The following CRB1 variants were observed in gnomAD, a reference collection of about 807,000 sequenced individuals.
CRB1 encodes the protein protein crumbs homolog 1.
In CRB1, 83 loss-of-function variants were observed where a neutral mutation model predicts 120.0. The ratio of observed to expected loss-of-function variants is 0.69; its 90% CI spans 0.58 to 0.83. The LOEUF is 0.83. CRB1 is among the 40% of genes least tolerant of loss of function. The pLI, the probability that CRB1 is intolerant of heterozygous loss-of-function variation, is 0.00. For synonymous variants in CRB1, 625 were observed against 612.5 expected (o/e 1.02, Z -0.30); for missense variants, 1,699 against 1,687.6 (o/e 1.01, Z -0.12).
At chr1:197,299,639 G>A (rs986699554) in intron 1 of CRB1, among the ~76,000 whole-genome samples, 7 of 152,094 alleles carry the variant, frequency 4.6e-5, no homozygotes, top group African/African-American at 1.7e-4. Context: ...AAAAAAAACT[G>A]TAGTATATTT....
the CRB1 span, chr1:197,222,652 C>G: frequency 2.1e-5 from 16 of 778,744 alleles, no homozygotes; most frequent in Admixed American, 2.7e-4. Context: ...GAAGACCTTT[C>G]AGTCACCTTA....
At position 197,435,861 on chromosome 1, in the gene CRB1, A is replaced by G. The variant is rs566371947; in HGVS notation, c.3749+249A>G. Among the ~76,000 whole-genome samples the G allele has an allele frequency of 7.9e-5, 12 of 152,266 alleles. No individual in the cohort carries two copies. The South Asian group carries it at 1.0e-3, about 13-fold the overall frequency. On this transcript the variant is annotated intron_variant, in intron 9 of 11. Transcript: ENST00000367400. The stretch of plus-strand genomic sequence containing the variant: ...TATTTTCTCAGTCATCTGTGTGAAA[A>G]TATGTCTCATGAACTGTAGCCCCAG...
the CRB1 span, among the ~76,000 whole-genome samples, chr1:197,218,611 G>T: frequency 6.6e-6 from 1 of 152,182 alleles, no homozygotes; most frequent in Non-Finnish European, 1.5e-5. Flanking sequence ...AAGAGAAAAG[G>T]ATGTTGTGTG....
At chr1:197,250,678 T>G in the CRB1 span, among the ~76,000 whole-genome samples, 2 of 152,120 alleles carry the variant, frequency 1.3e-5, no homozygotes, top group Non-Finnish European at 2.9e-5. Flanking sequence ...TTTGTTGGTA[T>G]TATAGTACCT....
At chr1:197,252,614 G>GTGTGTGAT in the CRB1 span, among the ~76,000 whole-genome samples, 1 of 97,366 alleles carries the variant, frequency 1.0e-5, no homozygotes, top group Non-Finnish European at 2.2e-5. Context: ...GTGTGTGTGT[G>GTGTGTGAT]ATATATATAT....
the CRB1 span, among the ~76,000 whole-genome samples, chr1:197,214,200 G>A: frequency 3.3e-5 from 5 of 152,048 alleles, no homozygotes; most frequent in East Asian, 5.8e-4. Context: ...GAAATGAAAC[G>A]GGAAACATTA....
At chr1:197,254,988 G>A in the CRB1 span, among the ~76,000 whole-genome samples, 1 of 151,888 alleles carries the variant, frequency 6.6e-6, no homozygotes, top group Non-Finnish European at 1.5e-5. Context: ...TTTTGTTGTT[G>A]TTAAATTTAA....
chr1:197,265,357 T>C (rs187368546), upstream of CRB1, among the ~76,000 whole-genome samples: 1 of 150,630 alleles, frequency 6.6e-6, no homozygotes, highest in Non-Finnish European at 1.5e-5. Context: ...TTTTGTCCTT[T>C]CTTCCTTCCT....
At chr1:197,405,274 C>T (rs975908355) in intron 5 of CRB1, among the ~76,000 whole-genome samples, 120 of 152,244 alleles carry the variant, frequency 7.9e-4, no homozygotes, top group Middle Eastern at 3.4e-3. Flanking sequence ...GACGGGGTTT[C>T]GCTGTGTTGG....
chr1:197,393,198 G>A (rs1258597539), intron 5 of CRB1, among the ~76,000 whole-genome samples: 2 of 152,036 alleles, frequency 1.3e-5, no homozygotes, highest in African/African-American at 4.8e-5. Context: ...ATGAATGCAG[G>A]ACCAAAAAGT....
chr1:197,427,643 CAAT>C lies in CRB1; in HGVS notation c.2319_2321del (p.Met774del). 1 of 1,613,898 alleles carries C rather than the reference CAAT, an allele frequency of 6.2e-7. No individual in the cohort carries two copies. Among genetic ancestry groups the C allele is most frequent in the Non-Finnish European group, 8.5e-7 (1 of 1,179,950 alleles). ...GTCTGGCTAGAGCGCGGCAGACTAG[CAAT>C]GCTGACTCCAAACTCTCCCAAATTA... is the stretch of plus-strand genomic sequence containing the variant. On this transcript the variant is annotated inframe_deletion, in exon 7 of 12. Transcript: ENST00000367400.
At chr1:197,405,874 C>T (rs183702063) in intron 5 of CRB1, among the ~76,000 whole-genome samples, 8,383 of 151,130 alleles carry the variant, frequency 0.055, 732 homozygotes, top group African/African-American at 0.19. Context: ...GGAGCGTCTC[C>T]GCCCCGCAGC....
At chr1:197,458,709 A>G (rs1034282707) in intron 11 of CRB1, among the ~76,000 whole-genome samples, 9 of 152,140 alleles carry the variant, frequency 5.9e-5, no homozygotes, top group African/African-American at 2.2e-4. Flanking sequence ...TCTTCAATAC[A>G]TCTGGCAATG....
At chr1:197,287,991 A>G (rs1655931353) in intron 1 of CRB1, among the ~76,000 whole-genome samples, 1 of 151,828 alleles carries the variant, frequency 6.6e-6, no homozygotes, top group African/African-American at 2.4e-5. Flanking sequence ...GGTGAGCCCT[A>G]TTGCTTGAAC....
the CRB1 span, among the ~76,000 whole-genome samples, chr1:197,213,748 CAT>C: frequency 6.6e-6 from 1 of 151,986 alleles, no homozygotes; most frequent in South Asian, 2.1e-4. Flanking sequence ...AATTTACAAA[CAT>C]ATGAAGATTA....
chr1:197,371,108 T>C (rs1285251463), intron 5 of CRB1, among the ~76,000 whole-genome samples: 1 of 152,190 alleles, frequency 6.6e-6, no homozygotes, highest in Non-Finnish European at 1.5e-5. Flanking sequence ...TTAACCACTT[T>C]TTTTCCAGTC....
At chr1:197,324,434 A>T (rs1210332132) in intron 1 of CRB1, among the ~76,000 whole-genome samples, 1 of 152,308 alleles carries the variant, frequency 6.6e-6, no homozygotes. Flanking sequence ...AATGTTTTTT[A>T]AAAAACTACT....
intron 1 of CRB1, among the ~76,000 whole-genome samples, chr1:197,310,594 A>G (rs651956): frequency 0.017 from 2,543 of 152,254 alleles, 76 homozygotes; most frequent in African/African-American, 0.057. Flanking sequence ...TTAGAGTTCT[A>G]TCAAAAAACT....
intron 5 of CRB1, among the ~76,000 whole-genome samples, chr1:197,413,270 A>G (rs1375034549): frequency 6.6e-6 from 1 of 152,226 alleles, no homozygotes; most frequent in African/African-American, 2.4e-5. Flanking sequence ...CTCTTGTACA[A>G]AATTAAATGC....
Sources: allele counts gnomAD v4.1 joint callset (sites outside exome capture counted in the v4.1 genomes callset), GRCh38; gene constraint gnomAD v4.1.1; transcripts MANE v1.5; gene names NCBI Gene and HGNC (gene_info 2026-07-23, HGNC 2026-07-21).